The following B3GALT1 variants were observed in gnomAD, a reference collection of about 807,000 sequenced individuals.
B3GALT1 encodes the protein UDP-Gal:betaGlcNAc beta 1,3-galactosyltransferase, polypeptide 1.
Under a neutral mutation model 23.2 loss-of-function variants are expected in B3GALT1, and 10 were observed. The observed-to-expected ratio is 0.43, with a 90% CI of 0.27 to 0.73. The LOEUF (loss-of-function observed/expected upper bound fraction) is 0.73. Ranked by LOEUF, B3GALT1 falls within the 30% of genes least tolerant of loss-of-function variation. B3GALT1 has a pLI of 0.21. For missense variants in B3GALT1, 299 were observed against 405.4 expected (o/e 0.74, Z 2.25); for synonymous variants, 156 against 141.5 (o/e 1.10, Z -0.73).
intron 3 of B3GALT1, among the ~76,000 whole-genome samples, chr2:167,796,602 A>C (rs1688550100): frequency 6.6e-6 from 1 of 152,240 alleles, no homozygotes; most frequent in African/African-American, 2.4e-5. Context: ...CAAAAAAATT[A>C]GCCTGGTGTG....
chr2:167,720,481 C>T (rs1409809473), intron 3 of B3GALT1, among the ~76,000 whole-genome samples: 1 of 152,162 alleles, frequency 6.6e-6, no homozygotes, highest in African/African-American at 2.4e-5. Context: ...ATAAACACCA[C>T]TTGCATTAAA....
intron 3 of B3GALT1, among the ~76,000 whole-genome samples, chr2:167,781,899 G>A (rs6741308): frequency 0.41 from 62,826 of 151,576 alleles, 13,590 homozygotes; most frequent in African/African-American, 0.55. Context: ...GTGCCCCTAC[G>A]CCCAGTGAAT....
intron 2 of B3GALT1, among the ~76,000 whole-genome samples, chr2:167,505,318 A>G (rs111884847): frequency 0.011 from 1,705 of 152,298 alleles, 28 homozygotes; most frequent in African/African-American, 0.039. Flanking sequence ...TTTTAAATAG[A>G]AATAAAAGGG....
intron 3 of B3GALT1, among the ~76,000 whole-genome samples, chr2:167,766,235 A>G (rs952863244): frequency 4.6e-5 from 7 of 152,200 alleles, no homozygotes; most frequent in Non-Finnish European, 7.4e-5. Context: ...AAGGAGGATC[A>G]TGAAAAATTC....
intron 3 of B3GALT1, among the ~76,000 whole-genome samples, chr2:167,696,546 T>C (rs1686794745): frequency 6.6e-6 from 1 of 152,166 alleles, no homozygotes; most frequent in Non-Finnish European, 1.5e-5. Context: ...AGGTCTGCCC[T>C]AGTTTCCTAT....
At chr2:167,426,874 A>G (rs903139189) in intron 1 of B3GALT1, among the ~76,000 whole-genome samples, 2 of 152,234 alleles carry the variant, frequency 1.3e-5, no homozygotes, top group African/African-American at 4.8e-5. Context: ...ATAGGTATAT[A>G]TCCTAGAGAA....
At chr2:167,640,495 T>TA (rs1316538666) in intron 2 of B3GALT1, among the ~76,000 whole-genome samples, 1 of 152,084 alleles carries the variant, frequency 6.6e-6, no homozygotes, top group Non-Finnish European at 1.5e-5. Context: ...TCTAAAATTT[T>TA]AATAAACTAT....
intron 1 of B3GALT1, among the ~76,000 whole-genome samples, chr2:167,322,950 A>G (rs1352074631): frequency 6.6e-6 from 1 of 152,058 alleles, no homozygotes; most frequent in African/African-American, 2.4e-5. Flanking sequence ...ATAATTGAAA[A>G]CAGAGCCAGT....
chr2:167,809,977 G>A (rs1688847680), intron 3 of B3GALT1, among the ~76,000 whole-genome samples: 2 of 152,352 alleles, frequency 1.3e-5, no homozygotes, highest in Non-Finnish European at 2.9e-5. Context: ...TCAAGTCTCA[G>A]CAATGGCAGG....
chr2:167,867,576 G>A (rs954213483), intron 4 of B3GALT1, among the ~76,000 whole-genome samples: 8 of 152,102 alleles, frequency 5.3e-5, no homozygotes, highest in East Asian at 1.9e-4. Context: ...TGTTCACATC[G>A]TGTATTTTTA....
chr2:167,613,655 G>A (rs1402440911), intron 2 of B3GALT1, among the ~76,000 whole-genome samples: 1 of 151,642 alleles, frequency 6.6e-6, no homozygotes, highest in Non-Finnish European at 1.5e-5. Context: ...TTCCCTCTGA[G>A]GATGTTGGGA....
chr2:167,661,195 C>T (rs1362003349), intron 3 of B3GALT1, among the ~76,000 whole-genome samples: 1 of 152,086 alleles, frequency 6.6e-6, no homozygotes, highest in African/African-American at 2.4e-5. Flanking sequence ...GCAACGTTGT[C>T]ACCCTCTTAT....
intron 2 of B3GALT1, among the ~76,000 whole-genome samples, chr2:167,531,278 G>A (rs1161443627): frequency 2.0e-5 from 3 of 152,152 alleles, no homozygotes; most frequent in Non-Finnish European, 2.9e-5. Context: ...CTGTGTGAGG[G>A]TGGATTGGGG....
At chr2:167,748,180 T>C (rs984898492) in intron 3 of B3GALT1, among the ~76,000 whole-genome samples, 12 of 152,068 alleles carry the variant, frequency 7.9e-5, no homozygotes, top group African/African-American at 2.7e-4. Context: ...TGAAGCACAA[T>C]GTGATATGTG....
At chr2:167,844,943 G>C (rs1689725035) in intron 4 of B3GALT1, among the ~76,000 whole-genome samples, 1 of 152,100 alleles carries the variant, frequency 6.6e-6, no homozygotes, top group East Asian at 1.9e-4. Context: ...GTTTGCATGA[G>C]AGCTGGGCAA....
At chr2:167,302,224 A>G (rs987467168) in intron 1 of B3GALT1, among the ~76,000 whole-genome samples, 2 of 152,218 alleles carry the variant, frequency 1.3e-5, no homozygotes, top group Non-Finnish European at 2.9e-5. Context: ...AAAAATGGTT[A>G]AATGAAATAT....
intron 4 of B3GALT1, among the ~76,000 whole-genome samples, chr2:167,860,390 T>C (rs1214162053): frequency 6.6e-6 from 1 of 152,188 alleles, no homozygotes. Flanking sequence ...GTGTGCTCTC[T>C]TTCTTTCCCT....
chr2:167,654,385 C>A (rs1344229089), intron 3 of B3GALT1, among the ~76,000 whole-genome samples: 4 of 152,176 alleles, frequency 2.6e-5, no homozygotes, highest in African/African-American at 4.8e-5. Flanking sequence ...GCTTTCTGCT[C>A]CCCACTTCTC....
At chr2:167,358,848 G>C (rs1384365392) in intron 1 of B3GALT1, among the ~76,000 whole-genome samples, 1 of 152,116 alleles carries the variant, frequency 6.6e-6, no homozygotes, top group Non-Finnish European at 1.5e-5. Flanking sequence ...CTGTCACCAG[G>C]CTGGAGTGCA....
Sources: gnomAD v4.1 joint callset for allele counts (sites outside exome capture counted in the v4.1 genomes callset) on GRCh38, gnomAD v4.1.1 for gene constraint, MANE v1.5 for transcripts, NCBI Gene and HGNC (gene_info 2026-07-23, HGNC 2026-07-21) for gene names.